PLEKHG5: variants seen among roughly 807,000 people sequenced by gnomAD.
PLEKHG5 encodes the protein pleckstrin homology domain-containing family G member 5.
A neutral mutation model predicts 103.8 loss-of-function variants in PLEKHG5; 52 were observed. That is an observed-to-expected ratio of 0.50 (90% confidence interval 0.40 to 0.63). The LOEUF (loss-of-function observed/expected upper bound fraction) is 0.63, where lower values mean the gene tolerates loss of function less well. Ranked by LOEUF, PLEKHG5 falls within the 30% of genes least tolerant of loss-of-function variation. The probability of loss-of-function intolerance (pLI) is 0.00; values close to 1 mark genes in which losing one functional copy is unlikely to be tolerated. For missense variants in PLEKHG5, 1,205 were observed against 1,347.6 expected (o/e 0.89, Z 1.66); for synonymous variants, 592 against 575.5 (o/e 1.03, Z -0.41).
At chr1:6,516,786 TTA>T (rs1553180701) in intron 1 of PLEKHG5, among the ~76,000 whole-genome samples, 1 of 85,258 alleles carries the variant, frequency 1.2e-5, no homozygotes, top group African/African-American at 3.6e-5. Context: ...TGTGTGTGTG[TTA>T]TATATATGTG....
At chr1:6,477,247 C>A (rs1295347129) in intron 2 of PLEKHG5, among the ~76,000 whole-genome samples, 2 of 152,246 alleles carry the variant, frequency 1.3e-5, no homozygotes, top group African/African-American at 4.8e-5. Context: ...AGAAAGGGGC[C>A]TTCTCTGTGT....
intron 1 of PLEKHG5, among the ~76,000 whole-genome samples, chr1:6,481,058 G>C (rs1393421798): frequency 6.6e-6 from 1 of 152,130 alleles, no homozygotes; most frequent in Non-Finnish European, 1.5e-5. Context: ...CAGCTCATAA[G>C]CGTGCCACTG....
intron 1 of PLEKHG5, among the ~76,000 whole-genome samples, chr1:6,481,995 C>A (rs1028133754): frequency 6.6e-6 from 1 of 151,992 alleles, no homozygotes; most frequent in Non-Finnish European, 1.5e-5. Flanking sequence ...TGGCTCACTC[C>A]CCTCACCCAC....
At chr1:6,515,740 A>G (rs1272563201) in intron 1 of PLEKHG5, among the ~76,000 whole-genome samples, 1 of 152,078 alleles carries the variant, frequency 6.6e-6, no homozygotes, top group East Asian at 1.9e-4. Flanking sequence ...AGATAAGCAA[A>G]TTTAATATAG....
chr1:6,477,478 C>G (rs757506698), intron 2 of PLEKHG5, 51 bp downstream of exon 2: 1 of 1,596,750 alleles, frequency 6.3e-7, no homozygotes, highest in South Asian at 1.1e-5. Context: ...GTTACTGAAA[C>G]ACTGACACAG....
At chr1:6,502,887 C>T (rs1201042807) in intron 1 of PLEKHG5, among the ~76,000 whole-genome samples, 1 of 152,210 alleles carries the variant, frequency 6.6e-6, no homozygotes, top group Non-Finnish European at 1.5e-5. Context: ...TGTGACCCAG[C>T]CGCTGTGTGC....
At chr1:6,478,382 T>G (rs1644818751) in intron 1 of PLEKHG5, among the ~76,000 whole-genome samples, 1 of 152,162 alleles carries the variant, frequency 6.6e-6, no homozygotes, top group Non-Finnish European at 1.5e-5. Flanking sequence ...TTGCCCAGGC[T>G]GGTCTCAAAC....
chr1:6,483,869 C>G (rs761875706), intron 1 of PLEKHG5, among the ~76,000 whole-genome samples: 1 of 152,230 alleles, frequency 6.6e-6, no homozygotes, highest in African/African-American at 2.4e-5. Flanking sequence ...GGGAGCCCCC[C>G]GTCTGCGGGC....
intron 15 of PLEKHG5, 27 bp from the exon 16 acceptor site, chr1:6,470,382 G>C: frequency 6.2e-7 from 1 of 1,613,684 alleles, no homozygotes; most frequent in Non-Finnish European, 8.5e-7. Flanking sequence ...TGAACGTAGG[G>C]GAGGCCAGAG....
intron 1 of PLEKHG5, among the ~76,000 whole-genome samples, chr1:6,482,393 G>T (rs1644926196): frequency 6.6e-6 from 1 of 152,228 alleles, no homozygotes; most frequent in African/African-American, 2.4e-5. Flanking sequence ...TTTCTGGCTG[G>T]TGAAAGCCCG....
chr1:6,471,931 C>T, intron 10 of PLEKHG5, 123 bp from the exon 11 acceptor site: 3 of 972,858 alleles, frequency 3.1e-6, no homozygotes, highest in Non-Finnish European at 4.8e-6. Context: ...CCACAGCAGC[C>T]ACGGATAAGA....
At chr1:6,477,387 G>T in intron 2 of PLEKHG5, 142 bp downstream of exon 2, 1 of 894,280 alleles carries the variant, frequency 1.1e-6, no homozygotes, top group Non-Finnish European at 1.8e-6. Flanking sequence ...AAAACATTTG[G>T]AACAAAAGGA....
At chr1:6,496,013 C>T (rs1403537296), upstream of PLEKHG5, among the ~76,000 whole-genome samples, 1 of 152,212 alleles carries the variant, frequency 6.6e-6, no homozygotes, top group Admixed American at 6.5e-5. Context: ...ATCAACTGGC[C>T]CCTTCCTCCT....
upstream of PLEKHG5, chr1:6,497,308 G>A: frequency 2.7e-6 from 3 of 1,116,618 alleles, no homozygotes; most frequent in Non-Finnish European, 2.5e-6. The surrounding 1 kb of genome is among the most constrained non-coding windows in gnomAD (Gnocchi z 6.1). Context: ...CCGGGTCCCC[G>A]CCTGCACTCA....
intron 10 of PLEKHG5, 151 bp downstream of exon 10, chr1:6,472,376 A>T (rs953072266): frequency 8.8e-6 from 6 of 684,194 alleles, no homozygotes; most frequent in African/African-American, 1.8e-5. Flanking sequence ...TCTAGGAGGC[A>T]CCTCCTCCCT....
At chr1:6,518,517 C>T (rs1638689423) in intron 1 of PLEKHG5, among the ~76,000 whole-genome samples, 1 of 149,274 alleles carries the variant, frequency 6.7e-6, no homozygotes, top group Non-Finnish European at 1.5e-5. Flanking sequence ...CCATATCGCA[C>T]CATTGCACTC....
intron 1 of PLEKHG5, among the ~76,000 whole-genome samples, chr1:6,517,818 G>A (rs184260853): frequency 2.7e-3 from 405 of 152,326 alleles, no homozygotes; most frequent in Non-Finnish European, 4.8e-3. Flanking sequence ...AGGCTATCCC[G>A]CTGGGGCCGG....
At chr1:6,496,729 G>C, upstream of PLEKHG5, 1 of 572,276 alleles carries the variant, frequency 1.7e-6, no homozygotes, top group East Asian at 3.3e-5. Flanking sequence ...TATCTGCACG[G>C]GAATCCGTTT....
At position 6,504,572 on chromosome 1, in the gene PLEKHG5, C is replaced by CT. The variant is rs200327321; in HGVS notation, c.-164-8004dup. ...GCACTTCCCTTCTCTCTTTTTTTTTCTTTTTTTTTTTTTTTGAGATGGAGT... is the reference window on the plus strand; with the variant it reads ...GCACTTCCCTTCTCTCTTTTTTTTTCTTTTTTTTTTTTTTTTGAGATGGAGT... On this transcript the variant is annotated intron_variant, in intron 1 of 21. Transcript: ENST00000377740. 6.7e-3 allele frequency among the ~76,000 whole-genome samples: 919 copies of CT among 136,480 alleles called. 4 individuals are homozygous for CT. The highest frequency in any genetic ancestry group is 0.01 in the Non-Finnish European group (666 of 64,270). The allele number at this position is 136,480 out of a possible 152,430, so 89.5% of individuals were successfully genotyped here.
Sources: allele counts gnomAD v4.1 joint callset (sites outside exome capture counted in the v4.1 genomes callset), GRCh38; gene constraint gnomAD v4.1.1; non-coding constraint Gnocchi (gnomAD v3.1); transcripts MANE v1.5; gene names NCBI Gene and HGNC (gene_info 2026-07-23, HGNC 2026-07-21).